Variants in EPS15 observed in about 807,000 individuals in gnomAD.
EPS15 encodes the protein epidermal growth factor receptor substrate 15.
Under a neutral mutation model 113.8 loss-of-function variants are expected in EPS15, and 72 were observed. The ratio of observed to expected loss-of-function variants is 0.63; its 90% CI spans 0.52 to 0.77. The LOEUF is 0.77. EPS15 is among the 30% of genes least tolerant of loss of function. EPS15 has a pLI of 0.00. For missense variants in EPS15, 1,048 were observed against 1,045.8 expected (o/e 1.00, Z -0.03); for synonymous variants, 344 against 363.4 (o/e 0.95, Z 0.61).
At chr1:51,434,521 T>C (rs946464129) in intron 12 of EPS15, among the ~76,000 whole-genome samples, 7 of 151,998 alleles carry the variant, frequency 4.6e-5, no homozygotes, top group Admixed American at 2.0e-4. Flanking sequence ...GAAAGTATAA[T>C]AGAATGGTGG....
chr1:51,490,564 C>CAAAAAAA (rs60149665), intron 1 of EPS15, among the ~76,000 whole-genome samples: 1 of 76,608 alleles, frequency 1.3e-5, no homozygotes, highest in Non-Finnish European at 2.6e-5. Flanking sequence ...GACTCCATCT[C>CAAAAAAA]AAAAAAAAAA....
rs71063034 is a variant in EPS15, at chr1:51,489,286, C to CATATATATAT, written c.34-7982_34-7973dup. ...TTTTACAAAGTATAGCCTAGTATACCATATATATATATATATATATGTATG... is the reference window on the plus strand; with the variant it reads ...TTTTACAAAGTATAGCCTAGTATACCATATATATATATATATATATATATATATATGTATG... On this transcript the variant is annotated intron_variant, in intron 1 of 24. Coordinates refer to ENST00000371733, the MANE Select transcript of EPS15 (RefSeq NM_001981.3). 3.7e-3 allele frequency among the ~76,000 whole-genome samples: 523 copies of CATATATATAT among 141,722 alleles called. 1 individual carries two copies. Among genetic ancestry groups the CATATATATAT allele is most frequent in the Middle Eastern group, 7.2e-3 (2 of 276 alleles). The allele number at this position is 141,722 out of a possible 152,430, so 93.0% of individuals were successfully genotyped here.
At chr1:51,446,870 C>A in intron 10 of EPS15, 90 bp downstream of exon 10, 2 of 1,075,750 alleles carry the variant, frequency 1.9e-6, no homozygotes, top group East Asian at 2.4e-5. Context: ...CAAAAACTGT[C>A]CTATTTACAA....
chr1:51,379,084 G>C (rs1387879502), intron 21 of EPS15, among the ~76,000 whole-genome samples: 3 of 152,206 alleles, frequency 2.0e-5, no homozygotes, highest in African/African-American at 4.8e-5. Flanking sequence ...AAAGTAGTGA[G>C]AGAAAACTGA....
chr1:51,373,241 T>C (rs1200663815), intron 21 of EPS15: 3 of 153,822 alleles, frequency 2.0e-5, no homozygotes, highest in Non-Finnish European at 4.3e-5. Flanking sequence ...ATGCAGCTTT[T>C]TAAATTTGTA....
At chr1:51,481,211 A>G (rs1644014720) in intron 2 of EPS15, 62 bp downstream of exon 2, 2 of 846,758 alleles carry the variant, frequency 2.4e-6, no homozygotes, top group African/African-American at 1.7e-5. Context: ...ACAGGCATAC[A>G]ATCAAGAGTT....
intron 8 of EPS15, among the ~76,000 whole-genome samples, chr1:51,455,530 C>T (rs553658682): frequency 1.3e-5 from 2 of 151,796 alleles, no homozygotes; most frequent in Middle Eastern, 3.4e-3. Context: ...GTGGAGGTTG[C>T]GGTGAGCCGA....
chr1:51,496,431 T>C (rs927498952), intron 1 of EPS15, among the ~76,000 whole-genome samples: 1 of 152,200 alleles, frequency 6.6e-6, no homozygotes, highest in African/African-American at 2.4e-5. Flanking sequence ...AACCTTTAGT[T>C]GTAAGTGCCA....
At chr1:51,407,911 C>T (rs1273408899) in intron 15 of EPS15, among the ~76,000 whole-genome samples, 4 of 152,072 alleles carry the variant, frequency 2.6e-5, no homozygotes, top group Admixed American at 1.3e-4. Flanking sequence ...AGCCACAAAG[C>T]CCACACTCTT....
chr1:51,509,039 T>C (rs1644572719), intron 1 of EPS15, among the ~76,000 whole-genome samples: 1 of 152,172 alleles, frequency 6.6e-6, no homozygotes, highest in African/African-American at 2.4e-5. Context: ...GCCTTACTTC[T>C]ATCATCCTTT....
Position 51,403,548 on chromosome 1 carries a change from G to A in EPS15, c.1678-16C>T, listed in dbSNP as rs142898285. ...TACTTCTTGCCTACAAAATATTAATGCAAGTAGATTAACAATATACTTTTT... is the reference window on the plus strand; with the variant it reads ...TACTTCTTGCCTACAAAATATTAATACAAGTAGATTAACAATATACTTTTT... On this transcript the variant is annotated splice_polypyrimidine_tract_variant and intron_variant, in intron 16 of 24. Transcript: ENST00000371733. 3 of 1,383,138 alleles carry A rather than the reference G, an allele frequency of 2.2e-6. No homozygotes were observed. In the South Asian group the frequency reaches 3.9e-5, roughly 18 times the overall value. The allele number at this position is 1,383,138 out of a possible 1,614,324, so 85.7% of individuals were successfully genotyped here.
intron 1 of EPS15, among the ~76,000 whole-genome samples, chr1:51,488,448 T>C (rs1240714196): frequency 2.8e-5 from 3 of 107,222 alleles, no homozygotes; most frequent in East Asian, 4.6e-4. Flanking sequence ...AAACAAGAGA[T>C]GCTAGAAAGC....
chr1:51,455,169 A>G (rs1653883198), intron 8 of EPS15, among the ~76,000 whole-genome samples: 1 of 152,240 alleles, frequency 6.6e-6, no homozygotes, highest in Non-Finnish European at 1.5e-5. Context: ...TTCACAGAAT[A>G]GGACTATACA....
chr1:51,508,327 AAAGAGAAAG>A (rs1439261102), intron 1 of EPS15, among the ~76,000 whole-genome samples: 21 of 134,238 alleles, frequency 1.6e-4, no homozygotes, highest in African/African-American at 6.6e-4. Flanking sequence ...AGAAAGAGAG[AAAGAGAAAG>A]AGAGAAAGAA....
chr1:51,498,407 A>G (rs1644361613), intron 1 of EPS15, among the ~76,000 whole-genome samples: 1 of 152,244 alleles, frequency 6.6e-6, no homozygotes, highest in Non-Finnish European at 1.5e-5. Flanking sequence ...AGTAGAAACC[A>G]TACTTCGAGT....
At chr1:51,497,928 G>C (rs1382229848) in intron 1 of EPS15, among the ~76,000 whole-genome samples, 1 of 148,722 alleles carries the variant, frequency 6.7e-6, no homozygotes, top group African/African-American at 2.5e-5. Context: ...AGTGAGGCGA[G>C]ATTGTGCCAC....
intron 7 of EPS15, chr1:51,463,098 G>A (rs375812670): frequency 6.6e-6 from 1 of 152,044 alleles, no homozygotes; most frequent in Non-Finnish European, 1.5e-5. Flanking sequence ...GGCTGGTCTC[G>A]AACTCCTGAC....
rs766844332 is a variant in EPS15, at chr1:51,465,287, C to T, written c.349G>A (p.Ala117Thr). The T allele has an allele frequency of 6.2e-7, 1 of 1,610,660 alleles. No individual in the cohort carries two copies. The highest frequency in any genetic ancestry group is 2.2e-5 in the East Asian group (1 of 44,708). ...SSPLLISGTS[A>T]AELPWAVKPE... is the part of the protein sequence containing the mutation. Reference sequence around the variant, plus strand: ...TTTACAGCCCATGGGAGCTCAGCTGCAGAGGTTCCACTGATTAGCAAAGGA... The same window carrying T: ...TTTACAGCCCATGGGAGCTCAGCTGTAGAGGTTCCACTGATTAGCAAAGGA... Residue 117 changes from alanine to threonine, a missense_variant, in exon 6 of 25, where the codon GCA (alanine) becomes ACA (threonine). Ala to Thr is a moderately conservative substitution (Grantham distance 58). Transcript: ENST00000371733.
intron 8 of EPS15, among the ~76,000 whole-genome samples, chr1:51,452,820 T>C (rs1653686043): frequency 6.6e-6 from 1 of 152,160 alleles, no homozygotes; most frequent in African/African-American, 2.4e-5. Flanking sequence ...AACCCATTGG[T>C]ACCCAAATTT....
Sources: gnomAD v4.1 joint callset for allele counts (sites outside exome capture counted in the v4.1 genomes callset) on GRCh38, gnomAD v4.1.1 for gene constraint, MANE v1.5 for transcripts, NCBI Gene and HGNC (gene_info 2026-07-23, HGNC 2026-07-21) for gene names.